The following RSPO2 variants were observed in gnomAD, a reference collection of about 807,000 sequenced individuals.
RSPO2 encodes R-spondin-2.
A neutral mutation model predicts 30.9 loss-of-function variants in RSPO2; 14 were observed. The ratio of observed to expected loss-of-function variants is 0.45; its 90% CI spans 0.30 to 0.71. The LOEUF (loss-of-function observed/expected upper bound fraction) is 0.71, where lower values mean the gene tolerates loss of function less well. RSPO2 is among the 30% of genes least tolerant of loss of function. RSPO2 has a pLI of 0.08. For missense variants in RSPO2, 264 were observed against 301.9 expected (o/e 0.87, Z 0.93); for synonymous variants, 107 against 96.4 (o/e 1.11, Z -0.64).
intron 2 of RSPO2, among the ~76,000 whole-genome samples, chr8:108,031,732 T>C (rs1318252983): frequency 1.3e-5 from 2 of 152,116 alleles, no homozygotes; most frequent in Admixed American, 6.6e-5. Context: ...TTTCTCTCTG[T>C]AAGTGAAGGA....
intron 5 of RSPO2, among the ~76,000 whole-genome samples, chr8:107,902,672 A>G (rs909234836): frequency 1.3e-5 from 2 of 152,086 alleles, no homozygotes; most frequent in South Asian, 2.1e-4. Context: ...TTAAGGATGG[A>G]AAACAGGCTT....
chr8:107,981,381 C>T (rs1299994310), intron 3 of RSPO2, among the ~76,000 whole-genome samples: 2 of 152,060 alleles, frequency 1.3e-5, no homozygotes, highest in Admixed American at 1.3e-4. Context: ...CTTAGCCAGG[C>T]ATCGTGGCGT....
At chr8:108,038,868 G>C (rs939154741) in intron 2 of RSPO2, among the ~76,000 whole-genome samples, 2 of 152,002 alleles carry the variant, frequency 1.3e-5, no homozygotes, top group Non-Finnish European at 1.5e-5. Flanking sequence ...ACATATGCAC[G>C]AAGAAACCAA....
intron 5 of RSPO2, among the ~76,000 whole-genome samples, chr8:107,919,692 A>C (rs1812091650): frequency 6.6e-6 from 1 of 152,002 alleles, no homozygotes; most frequent in Admixed American, 6.6e-5. Context: ...TCAGCTCCCT[A>C]TTATTTCATC....
At chr8:107,965,321 G>C (rs916753931) in intron 3 of RSPO2, among the ~76,000 whole-genome samples, 2 of 152,108 alleles carry the variant, frequency 1.3e-5, no homozygotes, top group African/African-American at 4.8e-5. Flanking sequence ...TGGCAAGAAG[G>C]GCTTAACCTT....
At chr8:107,937,142 C>T (rs959973767) in intron 5 of RSPO2, among the ~76,000 whole-genome samples, 2 of 144,396 alleles carry the variant, frequency 1.4e-5, no homozygotes, top group African/African-American at 5.0e-5. Flanking sequence ...AGTCTTTAAT[C>T]CATCTTCAGT....
intron 2 of RSPO2, among the ~76,000 whole-genome samples, chr8:107,995,389 T>C (rs1349477532): frequency 1.3e-5 from 2 of 152,116 alleles, no homozygotes; most frequent in Non-Finnish European, 2.9e-5. Flanking sequence ...TATATATGCA[T>C]GTATACATTA....
chr8:107,942,486 A>G (rs1812932129), intron 5 of RSPO2, among the ~76,000 whole-genome samples: 2 of 152,224 alleles, frequency 1.3e-5, no homozygotes, highest in African/African-American at 4.8e-5. Flanking sequence ...ATCTAAGTTT[A>G]GGATATTTTG....
chr8:107,910,648 CATAA>C (rs1563516448), intron 5 of RSPO2, among the ~76,000 whole-genome samples: 1 of 152,184 alleles, frequency 6.6e-6, no homozygotes, highest in Non-Finnish European at 1.5e-5. Flanking sequence ...CACAAAGAAT[CATAA>C]ATACATTCCC....
chr8:107,989,018 T>C (rs1243104661), intron 3 of RSPO2, 38 bp downstream of exon 3: 2 of 1,521,932 alleles, frequency 1.3e-6, no homozygotes, highest in Non-Finnish European at 8.8e-7. Context: ...CTAAGTTGCA[T>C]ATCCAGCAAT....
intron 2 of RSPO2, among the ~76,000 whole-genome samples, chr8:108,043,933 T>A (rs72682216): frequency 0.18 from 26,593 of 151,218 alleles, 2,878 homozygotes; most frequent in Middle Eastern, 0.27. Context: ...TTTCTACTTT[T>A]AAAAAAAAAG....
chr8:108,006,906 TG>T (rs1458480127), intron 2 of RSPO2, among the ~76,000 whole-genome samples: 5 of 152,228 alleles, frequency 3.3e-5, no homozygotes, highest in Admixed American at 6.5e-5. Context: ...ATAATTGTTT[TG>T]GTGAACTGTT....
intron 2 of RSPO2, among the ~76,000 whole-genome samples, chr8:108,058,439 A>G (rs558752331): frequency 6.6e-6 from 1 of 152,340 alleles, no homozygotes; most frequent in South Asian, 2.1e-4. Flanking sequence ...TAATTTATAG[A>G]TTCAATGCTA....
At chr8:107,963,093 T>C (rs1813682418) in intron 3 of RSPO2, among the ~76,000 whole-genome samples, 1 of 152,158 alleles carries the variant, frequency 6.6e-6, no homozygotes, top group Non-Finnish European at 1.5e-5. Flanking sequence ...GTATAAATCA[T>C]GTTGGATGAA....
At chr8:108,017,571 T>C (rs1399576305) in intron 2 of RSPO2, among the ~76,000 whole-genome samples, 1 of 152,072 alleles carries the variant, frequency 6.6e-6, no homozygotes, top group Non-Finnish European at 1.5e-5. Flanking sequence ...TGGAAAGTTA[T>C]AAACATAAAT....
At chr8:107,933,512 TACC>T (rs1424509545) in intron 5 of RSPO2, among the ~76,000 whole-genome samples, 1 of 152,148 alleles carries the variant, frequency 6.6e-6, no homozygotes, top group Non-Finnish European at 1.5e-5. Flanking sequence ...ATGTTTTAAG[TACC>T]ACCACATTAA....
chr8:108,042,871 T>G (rs765146293), intron 2 of RSPO2, among the ~76,000 whole-genome samples: 1 of 152,106 alleles, frequency 6.6e-6, no homozygotes, highest in African/African-American at 2.4e-5. Context: ...TTCCTTCACA[T>G]GATAGCTGTA....
chr8:108,072,319 C>CTATTTTTTT, intron 2 of RSPO2, among the ~76,000 whole-genome samples: 1 of 84,276 alleles, frequency 1.2e-5, no homozygotes, highest in East Asian at 4.2e-4. Context: ...TGGCAGAGAA[C>CTATTTTTTT]TTTTTTTTTT....
At chr8:107,925,719 G>C (rs1223726515) in intron 5 of RSPO2, among the ~76,000 whole-genome samples, 1 of 152,178 alleles carries the variant, frequency 6.6e-6, no homozygotes, top group Non-Finnish European at 1.5e-5. Flanking sequence ...CCATGTCCCT[G>C]CAAAGGACAT....
Sources: gnomAD v4.1 joint callset for allele counts (sites outside exome capture counted in the v4.1 genomes callset) on GRCh38, gnomAD v4.1.1 for gene constraint, MANE v1.5 for transcripts, NCBI Gene and HGNC (gene_info 2026-07-23, HGNC 2026-07-21) for gene names.